KIAA0040: variants seen among roughly 807,000 people sequenced by gnomAD.
KIAA0040 encodes uncharacterized protein KIAA0040.
In KIAA0040, 10 loss-of-function variants were observed where a neutral mutation model predicts 7.2. The ratio of observed to expected loss-of-function variants is 1.38; its 90% CI spans 0.85 to 2.34. KIAA0040 has a LOEUF of 2.34. KIAA0040 is among the 30% of genes most tolerant of loss of function. KIAA0040 has a pLI of 0.00. For missense variants in KIAA0040, 89 were observed against 108.2 expected, an observed-to-expected ratio of 0.82 and a Z score of 0.79; for synonymous variants, 49 against 40.1, an observed-to-expected ratio of 1.22 and a Z score of -0.84.
upstream of KIAA0040, chr1:175,192,839 C>T (rs1177567485): frequency 6.6e-6 from 1 of 150,770 alleles, no homozygotes; most frequent in East Asian, 2.0e-4. Context: ...CCGCCCCGCC[C>T]CGCTCCACCC....
intron 1 of KIAA0040, among the ~76,000 whole-genome samples, chr1:175,186,234 T>C (rs907882684): frequency 6.6e-6 from 1 of 152,194 alleles, no homozygotes. Flanking sequence ...AATAACAAAA[T>C]TTCTTGAAAA....
At chr1:175,186,409 C>T (rs1040879184) in intron 1 of KIAA0040, among the ~76,000 whole-genome samples, 13 of 152,216 alleles carry the variant, frequency 8.5e-5, no homozygotes, top group Admixed American at 8.5e-4. Context: ...TCCCCTTTTA[C>T]CCTCAGGCCC....
chr1:175,182,664 A>G (rs1291735568), intron 1 of KIAA0040, among the ~76,000 whole-genome samples: 2 of 152,204 alleles, frequency 1.3e-5, no homozygotes, highest in Admixed American at 6.5e-5. Context: ...CCTGGGTCAA[A>G]GCCTGGTCCC....
In KIAA0040 at chr1:175,160,802, TTCTTCTTC is replaced by T; in HGVS notation, c.204_211del (p.Lys69GlufsTer6). 1 of 1,546,942 alleles carries T rather than the reference TTCTTCTTC, an allele frequency of 6.5e-7. No homozygotes were observed. The highest frequency in any genetic ancestry group is 1.2e-5 in the South Asian group (1 of 83,964). ...GTCTTCTTCATCCTTCTTCTTCTTC[TTCTTCTTC>T]TTCTTCTTGTTCTTCTCTGGCTGCT... On this transcript the variant is annotated frameshift_variant, in exon 4 of 4. Coordinates refer to ENST00000423313, the MANE Select transcript of KIAA0040 (RefSeq NM_014656.3). LOFTEE classifies it high-confidence loss of function.
intron 2 of KIAA0040, among the ~76,000 whole-genome samples, chr1:175,174,726 G>A (rs1677117793): frequency 6.6e-6 from 1 of 152,020 alleles, no homozygotes; most frequent in Admixed American, 6.6e-5. Context: ...TGGTTATTAG[G>A]AGCTACATTT....
At chr1:175,172,041 T>C (rs564796676) in intron 2 of KIAA0040, among the ~76,000 whole-genome samples, 3 of 152,330 alleles carry the variant, frequency 2.0e-5, no homozygotes, top group African/African-American at 7.2e-5. Flanking sequence ...TTTTCTATTA[T>C]GGAAGGTCTG....
chr1:175,178,976 G>T (rs868726587), intron 1 of KIAA0040, among the ~76,000 whole-genome samples: 7 of 149,652 alleles, frequency 4.7e-5, no homozygotes, highest in Non-Finnish European at 7.4e-5. Context: ...GGGGCGGGGG[G>T]GGGGATATCA....
At chr1:175,183,827 G>A (rs1677542136) in intron 1 of KIAA0040, among the ~76,000 whole-genome samples, 1 of 152,218 alleles carries the variant, frequency 6.6e-6, no homozygotes, top group African/African-American at 2.4e-5. Flanking sequence ...GTGCTTGCAG[G>A]CTCCTGGGTG....
chr1:175,184,721 AC>A (rs376706425), intron 1 of KIAA0040, among the ~76,000 whole-genome samples: 1 of 152,210 alleles, frequency 6.6e-6, no homozygotes, highest in African/African-American at 2.4e-5. Flanking sequence ...GGAGGGTCAA[AC>A]ATTACCAAGG....
intron 1 of KIAA0040, among the ~76,000 whole-genome samples, chr1:175,177,940 T>A (rs767238058): frequency 3.3e-5 from 5 of 152,202 alleles, no homozygotes; most frequent in Non-Finnish European, 7.3e-5. Flanking sequence ...AGAGTCATAA[T>A]TGGTATTATT....
At chr1:175,164,854 G>A (rs894263317) in intron 3 of KIAA0040, among the ~76,000 whole-genome samples, 1 of 151,968 alleles carries the variant, frequency 6.6e-6, no homozygotes, top group Admixed American at 6.6e-5. Context: ...TATCTCCTTA[G>A]TGGCATGAAT....
Position 175,160,998 on chromosome 1 carries a change from C to T in KIAA0040, c.16G>A (p.Ala6Thr). 6.4e-7 allele frequency: 1 copy of T among 1,550,808 alleles called. No individual in the cohort carries two copies. The highest frequency in any genetic ancestry group is 8.7e-7 in the Non-Finnish European group (1 of 1,146,758). ...GTGTCCCAGATAGAGCTGAAGAAGG[C>T]ACTGATTCTCTCCATGGTGCTTGGC... is the stretch of plus-strand genomic sequence containing the variant. MERIS[A>T]FFSSIWDTIL... Residue 6 changes from alanine to threonine, a missense_variant, in exon 4 of 4, where the codon GCC (alanine) becomes ACC (threonine). Physicochemically the swap from Ala to Thr is moderately conservative, Grantham distance 58. Coordinates refer to ENST00000423313, the MANE Select transcript of KIAA0040 (RefSeq NM_014656.3).
At chr1:175,171,885 A>C (rs1056583216) in intron 2 of KIAA0040, among the ~76,000 whole-genome samples, 2 of 152,232 alleles carry the variant, frequency 1.3e-5, no homozygotes, top group African/African-American at 4.8e-5. Context: ...TCAGTCAATC[A>C]AGTATTAATT....
At chr1:175,161,824 G>C in intron 3 of KIAA0040, among the ~76,000 whole-genome samples, 1 of 152,080 alleles carries the variant, frequency 6.6e-6, no homozygotes, top group South Asian at 2.1e-4. Flanking sequence ...AGAGAACCAG[G>C]GGTGACCATT....
intron 1 of KIAA0040, among the ~76,000 whole-genome samples, chr1:175,187,714 C>G (rs1571219167): frequency 6.7e-6 from 1 of 148,726 alleles, no homozygotes; most frequent in Non-Finnish European, 1.5e-5. Context: ...GCCTTTTTCC[C>G]TTCCCCTGCC....
chr1:175,176,852 T>A (rs566731788), intron 2 of KIAA0040, among the ~76,000 whole-genome samples: 1 of 152,132 alleles, frequency 6.6e-6, no homozygotes, highest in East Asian at 1.9e-4. Context: ...TTCCTCCCCA[T>A]CCTTGAAATG....
intron 2 of KIAA0040, among the ~76,000 whole-genome samples, chr1:175,168,549 T>C (rs556648923): frequency 1.1e-4 from 17 of 152,340 alleles, no homozygotes; most frequent in African/African-American, 4.1e-4. Flanking sequence ...CATGGTTATT[T>C]AATAAAATGA....
intron 2 of KIAA0040, among the ~76,000 whole-genome samples, chr1:175,173,353 C>G (rs550278876): frequency 1.3e-5 from 2 of 152,266 alleles, no homozygotes; most frequent in East Asian, 1.9e-4. Flanking sequence ...ATCAAAAAGC[C>G]ATCATTTGCT....
intron 1 of KIAA0040, among the ~76,000 whole-genome samples, chr1:175,186,300 A>G (rs185231871): frequency 5.9e-5 from 9 of 152,374 alleles, no homozygotes; most frequent in Non-Finnish European, 1.0e-4. Flanking sequence ...ATTGTTTGAG[A>G]AATATAAAAT....
Sources: allele counts gnomAD v4.1 joint callset (sites outside exome capture counted in the v4.1 genomes callset), GRCh38; gene constraint gnomAD v4.1.1; transcripts MANE v1.5; gene names NCBI Gene and HGNC (gene_info 2026-07-23, HGNC 2026-07-21).